Variants in GDPD3 observed in about 807,000 individuals in gnomAD.
The protein encoded by GDPD3 is lysophospholipase D GDPD3.
In GDPD3, 40 loss-of-function variants were observed where a neutral mutation model predicts 43.7. The ratio of observed to expected loss-of-function variants is 0.91; its 90% CI spans 0.71 to 1.19. The LOEUF (loss-of-function observed/expected upper bound fraction) is 1.19, where lower values mean the gene tolerates loss of function less well. Among genes scored for constraint, GDPD3 ranks in the 50% most tolerant of loss-of-function variants. The pLI is 0.00. For synonymous variants in GDPD3, 145 were observed against 162.9 expected, an observed-to-expected ratio of 0.89 and a Z score of 0.84; for missense variants, 363 against 415.8, an observed-to-expected ratio of 0.87 and a Z score of 1.11.
chr16:30,108,277 T>G lies in GDPD3; in HGVS notation c.768-13A>C. On this transcript the variant is annotated splice_polypyrimidine_tract_variant and intron_variant, in intron 8 of 9. Coordinates refer to ENST00000406256, the MANE Select transcript of GDPD3 (RefSeq NM_024307.3). The stretch of plus-strand genomic sequence containing the variant: ...CCTCATGATCAGCCTGGGGGTGGGG[T>G]GGGGACGTGGGAGGTGATGATGAGA... 1 of 1,611,020 alleles carries G rather than the reference T, an allele frequency of 6.2e-7. No homozygotes were observed. The highest frequency in any genetic ancestry group is 8.5e-7 in the Non-Finnish European group (1 of 1,178,744).
Position 30,112,954 on chromosome 16 carries a change from T to C in GDPD3, c.182+68A>G. On this transcript the variant is annotated intron_variant, in intron 2 of 9. Coordinates refer to ENST00000406256, the MANE Select transcript of GDPD3 (RefSeq NM_024307.3). This position sits in a 1 kb window ranked among gnomAD's most constrained non-coding sequence, Gnocchi z 5.4. Reference sequence around the variant, plus strand: ...CCAGCTAGGAAGTGAATGGCGTCCCTTGCTGTGATGCAGTCCACGACCTGC... The same window carrying C: ...CCAGCTAGGAAGTGAATGGCGTCCCCTGCTGTGATGCAGTCCACGACCTGC... 1 of 1,541,566 alleles carries C rather than the reference T, an allele frequency of 6.5e-7. No individual in the cohort carries two copies. Among genetic ancestry groups the C allele is most frequent in the Non-Finnish European group, 9.0e-7 (1 of 1,117,012 alleles).
chr16:30,105,293 C>G (rs979565553), intron 9 of GDPD3, among the ~76,000 whole-genome samples: 1 of 151,886 alleles, frequency 6.6e-6, no homozygotes, highest in Non-Finnish European at 1.5e-5. Flanking sequence ...CTACAAAAAA[C>G]TTTGTAAAAA....
intron 7 of GDPD3, among the ~76,000 whole-genome samples, chr16:30,109,245 G>C (rs1255260765): frequency 1.3e-5 from 2 of 152,176 alleles, no homozygotes; most frequent in African/African-American, 4.8e-5. Flanking sequence ...TAATAAGCAC[G>C]AGCCAGCCAA....
Position 30,112,769 on chromosome 16 carries a change from G to T in GDPD3, c.207C>A (p.Leu69=). 6.2e-7 allele frequency: 1 copy of T among 1,610,954 alleles called. No individual in the cohort carries two copies. ...GTGTCAGCTGACAGTCGAGCTCCAGGAGGTCCGAGCGCTGGGCCATGGAGC... is the reference window on the plus strand; with the variant it reads ...GTGTCAGCTGACAGTCGAGCTCCAGTAGGTCCGAGCGCTGGGCCATGGAGC... ...MENSMAQRSD[L]LELDCQLTRD... Residue 69 remains leucine (L), a synonymous_variant, in exon 3 of 10, where the codon CTC becomes CTA. Transcript: ENST00000406256. The surrounding 1 kb of genome is among the most constrained non-coding windows in gnomAD (Gnocchi z 5.4).
chr16:30,104,914 C>T lies in GDPD3; in HGVS notation c.915G>A (p.Arg305=), dbSNP rs375760907. The T allele has an allele frequency of 6.2e-7, 1 of 1,612,678 alleles. No individual in the cohort carries two copies. The highest frequency in any genetic ancestry group is 1.3e-5 in the African/African-American group (1 of 75,004). ...GVITDYPTAL[R]HYLDNHGPAA... is the part of the protein sequence containing the mutation. ...CTGGTCCATGGTTGTCCAGGTAGTG[C>T]CGCAGGGCTGTGGGATAATCCGTTA... The change falls in exon 10 of 10, where the codon CGG becomes CGA. Residue 305 remains arginine (R), a synonymous_variant. Coordinates refer to ENST00000406256, the MANE Select transcript of GDPD3 (RefSeq NM_024307.3).
chr16:30,110,471 TATC>T (rs1351200746), intron 7 of GDPD3: 2 of 151,978 alleles, frequency 1.3e-5, no homozygotes, highest in Non-Finnish European at 2.9e-5. Context: ...GGTACACAAA[TATC>T]ATTGATCTCT....
At position 30,112,369 on chromosome 16, in the gene GDPD3, C is replaced by T. The variant is rs773531646; in HGVS notation, c.420G>A (p.Gln140=). The part of the protein sequence containing the change: ...RRMVRLEDLF[Q]RFPRTPMSVE... ...CGCTCATGGGTGTCCTTGGAAACCT[C>T]TGGAACAGGTCCTCCAGACGAACCA... Residue 140 remains glutamine, a synonymous_variant, in exon 5 of 10, where the codon CAG becomes CAA. Transcript: ENST00000406256. This position sits in a 1 kb window ranked among gnomAD's most constrained non-coding sequence, Gnocchi z 5.4. 1.2e-6 allele frequency: 2 copies of T among 1,614,232 alleles called. No individual in the cohort carries two copies. Among genetic ancestry groups the T allele is most frequent in the Non-Finnish European group, 1.7e-6 (2 of 1,180,044 alleles).
At chr16:30,105,053 CA>C in intron 9 of GDPD3, 44 bp from the exon 10 acceptor site, 1 of 1,542,694 alleles carries the variant, frequency 6.5e-7, no homozygotes. Flanking sequence ...AACAATTTTA[CA>C]TCTGGAGAGT....
At chr16:30,108,140 A>C in intron 9 of GDPD3, 73 bp downstream of exon 9, 3 of 1,326,740 alleles carry the variant, frequency 2.3e-6, no homozygotes, top group Non-Finnish European at 3.1e-6. Flanking sequence ...TGATGCAGCT[A>C]GTTGGCAGCA....
In GDPD3 at chr16:30,113,509, A is replaced by T; in HGVS notation, c.-31T>A. ...TACTCCCACAGAAGCTCCTGCAGCCACACGCTCAGCCGTCCGCGGGACTGT... is the reference window on the plus strand; with the variant it reads ...TACTCCCACAGAAGCTCCTGCAGCCTCACGCTCAGCCGTCCGCGGGACTGT... On this transcript the variant is annotated 5_prime_UTR_variant, in exon 1 of 10. Transcript: ENST00000406256. The surrounding 1 kb of genome is among the most constrained non-coding windows in gnomAD (Gnocchi z 5.9). 1 of 1,514,542 alleles carries T rather than the reference A, an allele frequency of 6.6e-7. No homozygotes were observed. The allele number at this position is 1,514,542 out of a possible 1,614,324, so 93.8% of individuals were successfully genotyped here. A position where few individuals can be genotyped will look rare whatever the true frequency, so the allele number is the denominator to read the frequency against.
At chr16:30,109,085 C>T (rs2072881978) in intron 7 of GDPD3, among the ~76,000 whole-genome samples, 1 of 152,084 alleles carries the variant, frequency 6.6e-6, no homozygotes, top group African/African-American at 2.4e-5. Context: ...CCGCCTTGGC[C>T]TCCCAAAGTG....
At position 30,111,368 on chromosome 16, in the gene GDPD3, G is replaced by C; in HGVS notation, c.707+20C>G. 2 of 1,612,570 alleles carry C rather than the reference G, an allele frequency of 1.2e-6. No homozygotes were observed. Among genetic ancestry groups the C allele is most frequent in the South Asian group, 2.2e-5 (2 of 90,938 alleles). Reference sequence around the variant, plus strand: ...CCTAAGCAGTGGGGAGTTTTTCTGAGGTCCGCCCCCCACTGGTACCTGTTG... The same window carrying C: ...CCTAAGCAGTGGGGAGTTTTTCTGACGTCCGCCCCCCACTGGTACCTGTTG... On this transcript the variant is annotated intron_variant, in intron 7 of 9. Coordinates refer to ENST00000406256, the MANE Select transcript of GDPD3 (RefSeq NM_024307.3).
At chr16:30,110,841 A>G (rs2072893212) in intron 7 of GDPD3, 1 of 103,966 alleles carries the variant, frequency 9.6e-6, no homozygotes, top group Non-Finnish European at 1.8e-5. Context: ...ACTGCATTCC[A>G]GCCCGAGCAA....
chr16:30,111,967 C>T (rs1033823126), intron 6 of GDPD3, 165 bp downstream of exon 6: 46 of 614,088 alleles, frequency 7.5e-5, no homozygotes, highest in Non-Finnish European at 1.2e-4. Context: ...CATCTTGGCT[C>T]TGTGTTCGAG....
At position 30,112,091 on chromosome 16, in the gene GDPD3, C is replaced by T. The variant is rs764848657; in HGVS notation, c.573+41G>A. The T allele has an allele frequency of 1.3e-6, 2 of 1,549,570 alleles. No individual in the cohort carries two copies. The highest frequency in any genetic ancestry group is 1.7e-5 in the Admixed American group (1 of 59,728). ...CTCCAGCTCTGGGGAGGAGGGGCCC[C>T]TGGAGGAGGAAGAGGACGGGGGAGG... On this transcript the variant is annotated intron_variant, in intron 6 of 9. Coordinates refer to ENST00000406256, the MANE Select transcript of GDPD3 (RefSeq NM_024307.3). The surrounding 1 kb of genome is among the most constrained non-coding windows in gnomAD (Gnocchi z 5.4).
Position 30,108,791 on chromosome 16 carries a change from G to A in GDPD3, c.708-359C>T, listed in dbSNP as rs1457263157. Among the ~76,000 whole-genome samples the A allele has an allele frequency of 2.6e-5, 4 of 152,024 alleles. No individual in the cohort carries two copies. The East Asian group carries it at 7.7e-4, about 29-fold the overall frequency. The stretch of plus-strand genomic sequence containing the variant: ...CTGCAGGCCCTCCTGGTTGGGCCTG[G>A]CCAGCTTCTTATTTATCTATTTATC... On this transcript the variant is annotated intron_variant, in intron 7 of 9. Coordinates refer to ENST00000406256, the MANE Select transcript of GDPD3 (RefSeq NM_024307.3).
Position 30,113,175 on chromosome 16 carries a change from C to G in GDPD3, c.140-111G>C. ...CCATCCTCCCTCTGGCCTCACCTCC[C>G]CAGCCAGCCCAGGCTGCGCCAGCAT... On this transcript the variant is annotated intron_variant, in intron 1 of 9. Coordinates refer to ENST00000406256, the MANE Select transcript of GDPD3 (RefSeq NM_024307.3). This position sits in a 1 kb window ranked among gnomAD's most constrained non-coding sequence, Gnocchi z 5.9. 2 of 1,352,416 alleles carry G rather than the reference C, an allele frequency of 1.5e-6. No individual in the cohort carries two copies. Among genetic ancestry groups the G allele is most frequent in the Non-Finnish European group, 2.1e-6 (2 of 974,510 alleles). The allele number at this position is 1,352,416 out of a possible 1,614,324, so 83.8% of individuals were successfully genotyped here.
chr16:30,106,499 G>A (rs1198156453), intron 9 of GDPD3, among the ~76,000 whole-genome samples: 1 of 152,032 alleles, frequency 6.6e-6, no homozygotes, highest in African/African-American at 2.4e-5. Flanking sequence ...TGCCCGTTGA[G>A]TGGGCACTGA....
rs906775871 is a variant in GDPD3, at chr16:30,112,476, A to C, written c.364+47T>G. The C allele has an allele frequency of 1.9e-6, 3 of 1,613,816 alleles. No homozygotes were observed. The highest frequency in any genetic ancestry group is 1.6e-4 in the Middle Eastern group (1 of 6,084). On this transcript the variant is annotated intron_variant, in intron 4 of 9. Transcript: ENST00000406256. The surrounding 1 kb of genome is among the most constrained non-coding windows in gnomAD (Gnocchi z 5.4). ...AGAGGGAAGCCAAGGCGGAGGTCCA[A>C]GGAAGGCAGGCATGGCCCAGGCAGG...
Sources: allele counts gnomAD v4.1 joint callset (sites outside exome capture counted in the v4.1 genomes callset), GRCh38; gene constraint gnomAD v4.1.1; non-coding constraint Gnocchi (gnomAD v3.1); transcripts MANE v1.5; gene names NCBI Gene and HGNC (gene_info 2026-07-23, HGNC 2026-07-21).